Variants in ARHGAP6 observed in about 807,000 individuals in gnomAD.
The protein encoded by ARHGAP6 is rho GTPase-activating protein 6.
ARHGAP6 carries 16 observed loss-of-function variants against 55.7 expected under a neutral mutation model. That is an observed-to-expected ratio of 0.29 (90% CI 0.19 to 0.44). The LOEUF is 0.44. ARHGAP6 is among the 20% of genes least tolerant of loss of function. ARHGAP6 has a pLI of 1.00. For missense variants in ARHGAP6, 698 were observed against 808.9 expected (o/e 0.86, Z 1.66); for synonymous variants, 382 against 360.9 (o/e 1.06, Z -0.66).
chrX:11,485,201 G>T (rs1324432310), intron 1 of ARHGAP6, among the ~76,000 whole-genome samples: 2 of 112,498 alleles, frequency 1.8e-5, no homozygotes, highest in Admixed American at 9.4e-5. Context: ...TAAATACGTA[G>T]TTCTAATGCA....
intron 1 of ARHGAP6, among the ~76,000 whole-genome samples, chrX:11,354,739 G>A (rs1349985532): frequency 9.0e-6 from 1 of 111,200 alleles, no homozygotes; most frequent in African/African-American, 3.3e-5. Context: ...CATACAGATG[G>A]ACTGAAGAAC....
chrX:11,571,817 G>A (rs1378377719), intron 1 of ARHGAP6, among the ~76,000 whole-genome samples: 1 of 109,784 alleles, frequency 9.1e-6, no homozygotes, highest in Admixed American at 9.8e-5. Context: ...GAGCCTTTGA[G>A]GTTGAGGCTG....
intron 1 of ARHGAP6, chrX:11,335,826 C>A (rs150286726): frequency 7.9e-6 from 2 of 251,784 alleles, no homozygotes; most frequent in Non-Finnish European, 7.3e-6. Flanking sequence ...CTGGCTCTGG[C>A]AGAGGCCATG....
chrX:11,370,513 GAGTCACC>G (rs2049131669), intron 1 of ARHGAP6, among the ~76,000 whole-genome samples: 1 of 111,612 alleles, frequency 9.0e-6, no homozygotes, highest in African/African-American at 3.3e-5. Context: ...TCTCTGGGTA[GAGTCACC>G]AGTGAAAGAA....
chrX:11,643,502 C>T (rs1283843250), intron 1 of ARHGAP6, among the ~76,000 whole-genome samples: 1 of 111,480 alleles, frequency 9.0e-6, no homozygotes, highest in East Asian at 2.8e-4. Flanking sequence ...TTTTAGAAAA[C>T]CTAAAGTACA....
intron 1 of ARHGAP6, among the ~76,000 whole-genome samples, chrX:11,657,582 A>G (rs1288571751): frequency 9.0e-6 from 1 of 111,063 alleles, no homozygotes; most frequent in Non-Finnish European, 1.9e-5. Context: ...TTCTGTTTCA[A>G]ACATGTAGAA....
At chrX:11,499,830 A>G (rs1050796812) in intron 1 of ARHGAP6, among the ~76,000 whole-genome samples, 1 of 111,660 alleles carries the variant, frequency 9.0e-6, no homozygotes, top group Admixed American at 9.5e-5. Context: ...GACAAGGGCC[A>G]TCTTTACATT....
intron 1 of ARHGAP6, among the ~76,000 whole-genome samples, chrX:11,448,139 A>G (rs1477160819): frequency 8.9e-6 from 1 of 112,487 alleles, no homozygotes; most frequent in Non-Finnish European, 1.9e-5. Flanking sequence ...ACTCTCTGTC[A>G]TGCATCCACT....
At chrX:11,243,920 G>C (rs1030303029) in intron 2 of ARHGAP6, among the ~76,000 whole-genome samples, 1 of 111,816 alleles carries the variant, frequency 8.9e-6, no homozygotes, top group Non-Finnish European at 1.9e-5. Flanking sequence ...GTGTGTAGTA[G>C]GCTATGCCAT....
chrX:11,429,926 C>A (rs1603203640), intron 1 of ARHGAP6, among the ~76,000 whole-genome samples: 2 of 112,042 alleles, frequency 1.8e-5, no homozygotes, highest in Admixed American at 1.9e-4. Context: ...AGATGTAATT[C>A]AATGGCCTAG....
At chrX:11,371,123 G>A (rs1362026338) in intron 1 of ARHGAP6, among the ~76,000 whole-genome samples, 1 of 111,836 alleles carries the variant, frequency 8.9e-6, no homozygotes, top group East Asian at 2.8e-4. Context: ...TTCATTATCT[G>A]ACTGGAGGGA....
intron 1 of ARHGAP6, among the ~76,000 whole-genome samples, chrX:11,493,820 T>A (rs1162656713): frequency 9.9e-6 from 1 of 100,762 alleles, no homozygotes; most frequent in African/African-American, 3.5e-5. Flanking sequence ...AGATTTCCCA[T>A]ACAAAACAGA....
At chrX:11,482,556 C>T (rs901814105) in intron 1 of ARHGAP6, among the ~76,000 whole-genome samples, 1 of 111,521 alleles carries the variant, frequency 9.0e-6, no homozygotes, top group African/African-American at 3.3e-5. Flanking sequence ...GTTCACTTGG[C>T]AACCATCAAG....
chrX:11,259,491 T>C (rs1194052187), intron 1 of ARHGAP6, among the ~76,000 whole-genome samples: 1 of 112,013 alleles, frequency 8.9e-6, no homozygotes, highest in Non-Finnish European at 1.9e-5. Flanking sequence ...CATTGTTCAG[T>C]TAGGCTATAA....
chrX:11,577,508 G>A (rs2051614613), intron 1 of ARHGAP6, among the ~76,000 whole-genome samples: 1 of 111,792 alleles, frequency 8.9e-6, no homozygotes, highest in Non-Finnish European at 1.9e-5. Context: ...CCCTGTCATG[G>A]CAGAGTATGT....
At chrX:11,519,047 G>T (rs2050882255) in intron 1 of ARHGAP6, among the ~76,000 whole-genome samples, 1 of 93,724 alleles carries the variant, frequency 1.1e-5, no homozygotes, top group African/African-American at 4.2e-5. Flanking sequence ...TTGGACATTT[G>T]GGTTGGTTCC....
At chrX:11,264,584 A>G (rs1276045193) in intron 1 of ARHGAP6, among the ~76,000 whole-genome samples, 2 of 111,567 alleles carry the variant, frequency 1.8e-5, no homozygotes, top group East Asian at 2.8e-4. Flanking sequence ...GCTTCTCTCG[A>G]GTCTTGGATG....
At chrX:11,307,566 C>A (rs1042981200) in intron 1 of ARHGAP6, among the ~76,000 whole-genome samples, 1 of 112,549 alleles carries the variant, frequency 8.9e-6, no homozygotes, top group African/African-American at 3.2e-5. Flanking sequence ...CATCTTCTCC[C>A]TGTGATTAGG....
intron 1 of ARHGAP6, among the ~76,000 whole-genome samples, chrX:11,286,817 CAT>C (rs1398356915): frequency 8.9e-6 from 1 of 111,860 alleles, no homozygotes; most frequent in Non-Finnish European, 1.9e-5. Flanking sequence ...ATTTTCCAAC[CAT>C]ATGTTGTATG....
Sources: gnomAD v4.1 joint callset for allele counts (sites outside exome capture counted in the v4.1 genomes callset) on GRCh38, gnomAD v4.1.1 for gene constraint, MANE v1.5 for transcripts, NCBI Gene and HGNC (gene_info 2026-07-23, HGNC 2026-07-21) for gene names.